EPHA10: variants seen among roughly 807,000 people sequenced by gnomAD.
The protein encoded by EPHA10 is EPH receptor A10.
In EPHA10, 120 loss-of-function variants were observed where a neutral mutation model predicts 109.7. The observed-to-expected ratio is 1.09, with a 90% CI of 0.94 to 1.27. EPHA10 has a LOEUF of 1.27. Ranked by LOEUF, EPHA10 falls within the 50% of genes most tolerant of loss-of-function variation. EPHA10 has a pLI of 0.00. For synonymous variants in EPHA10, 640 were observed against 618.9 expected, an observed-to-expected ratio of 1.03 and a Z score of -0.51; for missense variants, 1,396 against 1,411.1, an observed-to-expected ratio of 0.99 and a Z score of 0.17.
chr1:37,761,206 C>T, intron 3 of EPHA10, 199 bp downstream of exon 3: 2 of 1,477,820 alleles, frequency 1.4e-6, no homozygotes, highest in Non-Finnish European at 1.8e-6. Context: ...TCAATTTCAT[C>T]TAGTAAGTTC....
chr1:37,721,890 T>C, intron 10 of EPHA10, 45 bp from the exon 11 acceptor site: 3 of 1,462,980 alleles, frequency 2.1e-6, no homozygotes, highest in Non-Finnish European at 2.7e-6. Context: ...GCCACTGCCC[T>C]GGCTGAGCTG....
intron 3 of EPHA10, among the ~76,000 whole-genome samples, chr1:37,758,552 C>T (rs1303369515): frequency 2.6e-5 from 4 of 152,208 alleles, no homozygotes; most frequent in Non-Finnish European, 2.9e-5. Context: ...CTCTGTAGGG[C>T]ATTCCTTCCT....
rs756644321 is a variant in EPHA10 at position 37,727,124 on chromosome 1, TCATCACGGA to T, written c.1741_1749del (p.Met583_Val585del). 6.2e-6 allele frequency: 10 copies of T among 1,611,720 alleles called. No individual in the cohort carries two copies. The highest frequency in any genetic ancestry group is 5.9e-6 in the Non-Finnish European group (7 of 1,178,810). On this transcript the variant is annotated inframe_deletion, in exon 8 of 17. Transcript: ENST00000373048. Reference sequence around the variant, plus strand: ...TACCTCCTCCAAATGGCCAGCACACTCATCACGGAGCCCAGGACGAGGAGGGCCGAGATG... The same window carrying T: ...TACCTCCTCCAAATGGCCAGCACACTGCCCAGGACGAGGAGGGCCGAGATG...
intron 13 of EPHA10, 65 bp downstream of exon 13, chr1:37,720,286 A>G (rs1645767487): frequency 6.6e-7 from 1 of 1,512,268 alleles, no homozygotes; most frequent in Admixed American, 2.0e-5. Flanking sequence ...TGGGGAGTTA[A>G]GGGCTCCAGG....
rs58132476 is a variant in EPHA10, at chr1:37,747,725, G to A, written c.1357+5151C>T. ...AGAGGTTGCAATGAGCTGAGATGGTGCCACTGCACTCCAGCCTGGGCAACA... is the reference window on the plus strand; with the variant it reads ...AGAGGTTGCAATGAGCTGAGATGGTACCACTGCACTCCAGCCTGGGCAACA... On this transcript the variant is annotated intron_variant, in intron 5 of 16. Coordinates refer to ENST00000373048, the MANE Select transcript of EPHA10 (RefSeq NM_001099439.2). 9.8e-3 allele frequency among the ~76,000 whole-genome samples: 1,492 copies of A among 152,062 alleles called. 19 individuals carry two copies. Among genetic ancestry groups the A allele is most frequent in the African/African-American group, 0.034 (1,396 of 41,462 alleles).
intron 5 of EPHA10, among the ~76,000 whole-genome samples, chr1:37,739,571 C>T (rs1646121867): frequency 6.6e-6 from 1 of 151,590 alleles, no homozygotes; most frequent in Admixed American, 6.6e-5. Flanking sequence ...TGCCTATAAT[C>T]TCAGCTACTT....
rs1329151879 is a variant in EPHA10, at chr1:37,754,082, G to A, written c.1006+133C>T. On this transcript the variant is annotated intron_variant, in intron 4 of 16. Coordinates refer to ENST00000373048, the MANE Select transcript of EPHA10 (RefSeq NM_001099439.2). The surrounding 1 kb of genome is among the most constrained non-coding windows in gnomAD (Gnocchi z 4.5). ...GCTCCCCCGTACGCCGCCTTCCGGG[G>A]CGCTGGCCCCCATATCCGCCCACGT... is the stretch of plus-strand genomic sequence containing the variant. The A allele has an allele frequency of 1.1e-5, 12 of 1,043,586 alleles. No individual in the cohort carries two copies. The highest frequency in any genetic ancestry group is 4.3e-5 in the Admixed American group (1 of 23,496). 64.6% of individuals were successfully genotyped at this position (1,043,586 alleles called of 1,614,324 possible). A position where few individuals can be genotyped will look rare whatever the true frequency, so the allele number is the denominator to read the frequency against.
chr1:37,760,515 C>T, intron 3 of EPHA10: 1 of 976,750 alleles, frequency 1.0e-6, no homozygotes, highest in Non-Finnish European at 1.2e-6. Context: ...CCCAATCCCT[C>T]TCTCCAGCAT....
Position 37,720,782 on chromosome 1 carries a change from C to T in EPHA10, c.2208+1G>A, listed in dbSNP as rs777599989. 6 of 1,613,936 alleles carry T rather than the reference C, an allele frequency of 3.7e-6. No individual in the cohort carries two copies. The highest frequency in any genetic ancestry group is 5.1e-6 in the Non-Finnish European group (6 of 1,180,008). The stretch of plus-strand genomic sequence containing the variant: ...TCATTGGCAGCCCCAGGGCCACTCA[C>T]CCTGAGGAAGCCGTCCAGGGCCCCA... On this transcript the variant is annotated splice_donor_variant, in intron 12 of 16. Coordinates refer to ENST00000373048, the MANE Select transcript of EPHA10 (RefSeq NM_001099439.2). LOFTEE classifies it high-confidence loss of function.
Position 37,761,629 on chromosome 1 carries a change from T to C in EPHA10, c.626A>G (p.Lys209Arg), listed in dbSNP as rs1271903679. ...VALVSVRVYY[K>R]QCRATVRGLA... ...GCCCCGCACGGTGGCGCGGCACTGCTTGTAGTAGACGCGCACCGAGACAAG... is the reference window on the plus strand; with the variant it reads ...GCCCCGCACGGTGGCGCGGCACTGCCTGTAGTAGACGCGCACCGAGACAAG... Residue 209 changes from lysine (K) to arginine (R), a missense_variant, in exon 3 of 17, where the codon AAG (lysine) becomes AGG (arginine). By Grantham distance (26) the Lys-to-Arg change is conservative (BLOSUM62 2). Coordinates refer to ENST00000373048, the MANE Select transcript of EPHA10 (RefSeq NM_001099439.2). 1 of 1,604,696 alleles carries C rather than the reference T, an allele frequency of 6.2e-7. No individual in the cohort carries two copies. Among genetic ancestry groups the C allele is most frequent in the Admixed American group, 1.7e-5 (1 of 59,946 alleles).
chr1:37,744,434 C>G (rs904107017), intron 5 of EPHA10, among the ~76,000 whole-genome samples: 2 of 151,812 alleles, frequency 1.3e-5, no homozygotes, highest in African/African-American at 2.4e-5. Flanking sequence ...GCAGGAGAAC[C>G]ATTTGAACCC....
intron 3 of EPHA10, among the ~76,000 whole-genome samples, chr1:37,759,707 C>A (rs1189797381): frequency 1.3e-5 from 2 of 151,828 alleles, no homozygotes; most frequent in Non-Finnish European, 2.9e-5. Context: ...TGCTTGAAAC[C>A]AAGAACTCCA....
intron 5 of EPHA10, among the ~76,000 whole-genome samples, chr1:37,743,117 G>T (rs904186225): frequency 6.6e-6 from 1 of 152,014 alleles, no homozygotes; most frequent in Non-Finnish European, 1.5e-5. Flanking sequence ...TTTTGTTGTT[G>T]TTGACAAACA....
At chr1:37,720,320 C>T (rs1645768045) in intron 13 of EPHA10, 31 bp downstream of exon 13, 1 of 1,570,776 alleles carries the variant, frequency 6.4e-7, no homozygotes, top group Admixed American at 1.8e-5. Context: ...AACCAGAAGG[C>T]ACAGGCAGGC....
At chr1:37,749,287 G>A (rs1646287535) in intron 5 of EPHA10, among the ~76,000 whole-genome samples, 2 of 152,078 alleles carry the variant, frequency 1.3e-5, no homozygotes, top group African/African-American at 4.8e-5. Context: ...CACTAGATCA[G>A]TGGAAGCTTA....
At chr1:37,744,077 C>A (rs1557549677) in intron 5 of EPHA10, among the ~76,000 whole-genome samples, 3 of 152,094 alleles carry the variant, frequency 2.0e-5, no homozygotes. Flanking sequence ...AAAAGCACAT[C>A]CTCTAAAATA....
At position 37,761,665 on chromosome 1, in the gene EPHA10, G is replaced by A. The variant is rs1474832799; in HGVS notation, c.590C>T (p.Ala197Val). 2.5e-6 allele frequency: 4 copies of A among 1,609,674 alleles called. No homozygotes were observed. The highest frequency in any genetic ancestry group is 2.2e-5 in the East Asian group (1 of 44,866). The change falls in exon 3 of 17, where the codon GCA becomes GTA. Residue 197 changes from alanine to valine, a missense_variant. Coordinates refer to ENST00000373048, the MANE Select transcript of EPHA10 (RefSeq NM_001099439.2). The stretch of plus-strand genomic sequence containing the variant: ...GCGCACCGAGACAAGCGCCACGCAT[G>A]CGCCCACGTCCTGAAAGGCCAGGTG... ...GFHLAFQDVGACVALVSVRVY... is the reference protein window; with the variant it reads ...GFHLAFQDVGVCVALVSVRVY...
chr1:37,731,716 A>AAG, intron 6 of EPHA10, 134 bp from the exon 7 acceptor site: 2 of 929,786 alleles, frequency 2.2e-6, no homozygotes, highest in Non-Finnish European at 3.1e-6. Flanking sequence ...ACCCAACCTC[A>AAG]ATCATCTTGG....
downstream of EPHA10, chr1:37,714,722 T>C (rs1170917784): frequency 6.6e-6 from 1 of 152,198 alleles, no homozygotes; most frequent in Non-Finnish European, 1.5e-5. Context: ...AGGGGAAATT[T>C]GGACTTACAG....
Sources: allele counts gnomAD v4.1 joint callset (sites outside exome capture counted in the v4.1 genomes callset), GRCh38; gene constraint gnomAD v4.1.1; non-coding constraint Gnocchi (gnomAD v3.1); transcripts MANE v1.5; gene names NCBI Gene and HGNC (gene_info 2026-07-23, HGNC 2026-07-21).